PTK2: variants seen among roughly 807,000 people sequenced by gnomAD.
PTK2 encodes the protein protein tyrosine kinase 2, also known as focal adhesion kinase 1.
PTK2 carries 45 observed loss-of-function variants against 150.1 expected under a neutral mutation model. The ratio of observed to expected loss-of-function variants is 0.30; its 90% confidence interval spans 0.24 to 0.38. PTK2 has a LOEUF of 0.38. Among genes scored for constraint, PTK2 ranks in the 10% least tolerant of loss-of-function variants. The probability of loss-of-function intolerance (pLI) is 1.00; values close to 1 mark genes in which losing one functional copy is unlikely to be tolerated. For synonymous variants in PTK2, 432 were observed against 449.2 expected (o/e 0.96, Z 0.48); for missense variants, 919 against 1,307.3 (o/e 0.70, Z 4.58).
chr8:140,712,561 A>G (rs11166996), intron 23 of PTK2, among the ~76,000 whole-genome samples: 63,552 of 151,958 alleles, frequency 0.42, 14,910 homozygotes, highest in Non-Finnish European at 0.54. Flanking sequence ...TAAGGGGGGA[A>G]AAAAGGAGAA....
chr8:140,895,322 G>A (rs970635848), intron 2 of PTK2, among the ~76,000 whole-genome samples: 3 of 152,066 alleles, frequency 2.0e-5, no homozygotes, highest in African/African-American at 7.2e-5. Context: ...GAGGCCAGGA[G>A]TTCAAGACCT....
At chr8:140,831,756 T>C (rs780593765) in intron 7 of PTK2, among the ~76,000 whole-genome samples, 1 of 152,256 alleles carries the variant, frequency 6.6e-6, no homozygotes, top group Non-Finnish European at 1.5e-5. Flanking sequence ...TTTCTGTCTC[T>C]AGCCACTTTT....
chr8:141,001,794 C>T (rs2100200325), upstream of PTK2, among the ~76,000 whole-genome samples: 1 of 152,228 alleles, frequency 6.6e-6, no homozygotes, highest in Non-Finnish European at 1.5e-5. Flanking sequence ...GGCACCACAC[C>T]GACCCTAACG....
chr8:140,931,562 T>A (rs1426648476), intron 1 of PTK2, among the ~76,000 whole-genome samples: 2 of 151,958 alleles, frequency 1.3e-5, no homozygotes, highest in Non-Finnish European at 2.9e-5. Flanking sequence ...CAAGACCTTG[T>A]GGTTTTAAAA....
chr8:140,690,453 A>C (rs1044899238), intron 26 of PTK2, among the ~76,000 whole-genome samples: 9 of 152,144 alleles, frequency 5.9e-5, no homozygotes, highest in Non-Finnish European at 4.4e-5. Context: ...AAAACAAAAG[A>C]CCCACCAGGC....
chr8:140,967,902 C>T (rs2100185878), intron 1 of PTK2, among the ~76,000 whole-genome samples: 1 of 152,210 alleles, frequency 6.6e-6, no homozygotes, highest in African/African-American at 2.4e-5. Flanking sequence ...ACACAAGCTG[C>T]AACCTATATT....
intron 29 of PTK2, among the ~76,000 whole-genome samples, chr8:140,670,959 G>A (rs986752874): frequency 6.6e-6 from 1 of 152,178 alleles, no homozygotes; most frequent in African/African-American, 2.4e-5. Flanking sequence ...AATGCTTCTA[G>A]GGACCATTCA....
chr8:140,659,564 G>C, exon 32 of PTK2: 1 of 1,614,064 alleles, frequency 6.2e-7, no homozygotes, highest in Non-Finnish European at 8.5e-7. Flanking sequence ...GCAGCAGTCA[G>C]CATTTGCTTT....
chr8:140,939,273 T>C (rs2100174833), intron 1 of PTK2, among the ~76,000 whole-genome samples: 1 of 152,246 alleles, frequency 6.6e-6, no homozygotes, highest in African/African-American at 2.4e-5. Context: ...AAATGTTTAC[T>C]AGTTCAAAAT....
chr8:140,961,729 G>C (rs1426972458), intron 1 of PTK2, among the ~76,000 whole-genome samples: 4 of 151,576 alleles, frequency 2.6e-5, no homozygotes, highest in Non-Finnish European at 5.9e-5. Flanking sequence ...TAATACTAGA[G>C]AGCTCACCTA....
intron 7 of PTK2, among the ~76,000 whole-genome samples, chr8:140,837,081 T>A (rs1427637032): frequency 6.6e-5 from 10 of 152,208 alleles, no homozygotes; most frequent in Non-Finnish European, 1.0e-4. Context: ...ACGAAAAACA[T>A]TTTTCTTAAA....
chr8:140,761,886 T>C (rs938710184), intron 15 of PTK2, among the ~76,000 whole-genome samples: 6 of 152,114 alleles, frequency 3.9e-5, no homozygotes, highest in African/African-American at 1.4e-4. Flanking sequence ...AAATCATAAA[T>C]ATACTTTTGA....
intron 1 of PTK2, among the ~76,000 whole-genome samples, chr8:140,971,223 T>C (rs563486660): frequency 2.6e-5 from 4 of 152,338 alleles, no homozygotes; most frequent in African/African-American, 4.8e-5. Context: ...TAAAAATATA[T>C]GGGGAGCAGA....
chr8:140,956,312 C>T (rs576059342), intron 1 of PTK2, among the ~76,000 whole-genome samples: 8 of 152,116 alleles, frequency 5.3e-5, no homozygotes, highest in Non-Finnish European at 1.2e-4. Context: ...AGACAGAGAA[C>T]AACACGGGAG....
intron 8 of PTK2, among the ~76,000 whole-genome samples, chr8:140,828,107 A>T (rs1351045832): frequency 1.3e-5 from 2 of 151,804 alleles, no homozygotes; most frequent in African/African-American, 4.8e-5. Context: ...AGGAGGTTGC[A>T]GCGAGTCGAG....
At chr8:141,000,126 C>CACA (rs1555522723) in intron 1 of PTK2, among the ~76,000 whole-genome samples, 19 of 142,748 alleles carry the variant, frequency 1.3e-4, no homozygotes, top group East Asian at 4.0e-4. Context: ...CACACACACA[C>CACA]CCCTTCTTCT....
intron 2 of PTK2, among the ~76,000 whole-genome samples, chr8:140,893,363 A>G (rs1568333208): frequency 6.6e-6 from 1 of 152,228 alleles, no homozygotes; most frequent in Non-Finnish European, 1.5e-5. Flanking sequence ...CATTATCCAC[A>G]ATACCGAAAA....
At chr8:140,703,318 T>G (rs116399678) in intron 24 of PTK2, among the ~76,000 whole-genome samples, 1 of 151,898 alleles carries the variant, frequency 6.6e-6, no homozygotes, top group Admixed American at 6.6e-5. Context: ...AAGGGGACCA[T>G]GAGCCAAGGC....
chr8:140,963,263 T>C (rs2100184040), intron 1 of PTK2, among the ~76,000 whole-genome samples: 1 of 152,144 alleles, frequency 6.6e-6, no homozygotes, highest in Admixed American at 6.5e-5. Flanking sequence ...GAGTACTCAG[T>C]CCTCAAAATA....
Sources: gnomAD v4.1 joint callset for allele counts (sites outside exome capture counted in the v4.1 genomes callset) on GRCh38, gnomAD v4.1.1 for gene constraint, MANE v1.5 for transcripts, NCBI Gene and HGNC (gene_info 2026-07-23, HGNC 2026-07-21) for gene names.